The following FHIT variants were observed in gnomAD, a reference collection of about 807,000 sequenced individuals.
FHIT encodes fragile histidine triad diadenosine triphosphatase.
FHIT carries 19 observed loss-of-function variants against 17.9 expected under a neutral mutation model. That is an observed-to-expected ratio of 1.06 (90% CI 0.74 to 1.56). FHIT has a LOEUF of 1.56. FHIT is among the 40% of genes most tolerant of loss of function. FHIT has a pLI of 0.00. For synonymous variants in FHIT, 81 were observed against 69.7 expected, an observed-to-expected ratio of 1.16 and a Z score of -0.81; for missense variants, 248 against 189.2, an observed-to-expected ratio of 1.31 and a Z score of -1.82.
In FHIT at chr3:59,841,146, T is replaced by C. The variant is rs541313798; in HGVS notation, c.348+81200A>G. ...TAGCCCCTTTGATGGTAGAAAATGA[T>C]ATAAATGAAAAGGTCAGATGATCTT... On this transcript the variant is annotated intron_variant, in intron 8 of 9. Coordinates refer to ENST00000492590, the MANE Select transcript of FHIT (RefSeq NM_002012.4). Among the ~76,000 whole-genome samples, 191 of 152,292 alleles carry C rather than the reference T, an allele frequency of 1.3e-3. 3 individuals are homozygous for C. The South Asian group carries it at 0.038, about 30-fold the overall frequency.
chr3:60,502,341 C>A (rs1183475179), intron 5 of FHIT, among the ~76,000 whole-genome samples: 1 of 152,188 alleles, frequency 6.6e-6, no homozygotes, highest in Non-Finnish European at 1.5e-5. Flanking sequence ...TGAACTGAAC[C>A]AGTAAGAAGC....
At chr3:60,796,157 C>G (rs1427942680) in intron 4 of FHIT, among the ~76,000 whole-genome samples, 1 of 152,098 alleles carries the variant, frequency 6.6e-6, no homozygotes, top group Non-Finnish European at 1.5e-5. Context: ...CAATTACCTC[C>G]CCCTAGGTAC....
chr3:60,172,422 C>T (rs1333161637), intron 5 of FHIT, among the ~76,000 whole-genome samples: 4 of 151,690 alleles, frequency 2.6e-5, no homozygotes, highest in Admixed American at 1.3e-4. Context: ...TGCACCACCA[C>T]GCCTGGCTAA....
At chr3:60,677,957 T>G (rs1321856689) in intron 4 of FHIT, among the ~76,000 whole-genome samples, 1 of 152,170 alleles carries the variant, frequency 6.6e-6, no homozygotes, top group Non-Finnish European at 1.5e-5. Context: ...GAGTGTACAC[T>G]TCTTCATAGT....
In FHIT at chr3:61,089,043, T is replaced by C. The variant is rs190877161; in HGVS notation, c.-163-46944A>G. ...ATCAGTATATATTCCCTTAGCCTAT[T>C]ATTACATCAGTGTCTCCTACTGGGA... On this transcript the variant is annotated intron_variant, in intron 2 of 9. Coordinates refer to ENST00000492590, the MANE Select transcript of FHIT (RefSeq NM_002012.4). Among the ~76,000 whole-genome samples, 7 of 152,286 alleles carry C rather than the reference T, an allele frequency of 4.6e-5. No homozygotes were observed. The East Asian group carries it at 1.4e-3, about 29-fold the overall frequency.
chr3:60,278,722 A>AC lies in FHIT; in HGVS notation c.103+258137_103+258138insG, dbSNP rs575434288. ...TAGATTAACATAAAACCTCATAACAAAAAAAAAAATTCTTAGTTCCCATCA... is the reference window on the plus strand; with the variant it reads ...TAGATTAACATAAAACCTCATAACAACAAAAAAAAATTCTTAGTTCCCATCA... On this transcript the variant is annotated intron_variant, in intron 5 of 9. Coordinates refer to ENST00000492590, the MANE Select transcript of FHIT (RefSeq NM_002012.4). 2.1e-4 allele frequency among the ~76,000 whole-genome samples: 32 copies of AC among 150,336 alleles called. No homozygotes were observed. The South Asian group carries it at 4.8e-3, about 23-fold the overall frequency.
chr3:59,968,362 T>C (rs1708026304), intron 7 of FHIT, among the ~76,000 whole-genome samples: 1 of 151,946 alleles, frequency 6.6e-6, no homozygotes, highest in South Asian at 2.1e-4. Context: ...ATATGAACTT[T>C]AAGGTGGTCA....
intron 5 of FHIT, among the ~76,000 whole-genome samples, chr3:60,333,596 T>C (rs892394287): frequency 6.6e-6 from 1 of 152,144 alleles, no homozygotes. Context: ...AAACATAATA[T>C]TGCATGTCAT....
chr3:60,369,287 C>T (rs1163153679), intron 5 of FHIT, among the ~76,000 whole-genome samples: 2 of 152,078 alleles, frequency 1.3e-5, no homozygotes, highest in African/African-American at 2.4e-5. Flanking sequence ...ACTTTTTGAT[C>T]CTAGAATTTC....
rs375570034 is a variant in FHIT, at chr3:60,418,142, C to G, written c.103+118718G>C. ...AACTAATTGTTACATTTTGTGATCT[C>G]GGCTAAAAGACTAAACTGTATTTAG... On this transcript the variant is annotated intron_variant, in intron 5 of 9. Transcript: ENST00000492590. Among the ~76,000 whole-genome samples the G allele has an allele frequency of 3.3e-5, 5 of 151,686 alleles. No homozygotes were observed. The East Asian group carries it at 7.7e-4, about 23-fold the overall frequency.
intron 8 of FHIT, among the ~76,000 whole-genome samples, chr3:59,784,160 G>C (rs1702732922): frequency 6.6e-6 from 1 of 152,178 alleles, no homozygotes; most frequent in Non-Finnish European, 1.5e-5. Context: ...ACATTTTTGA[G>C]CACCTATGAT....
chr3:60,136,221 A>G (rs912021045), intron 5 of FHIT, among the ~76,000 whole-genome samples: 5 of 152,150 alleles, frequency 3.3e-5, no homozygotes, highest in Non-Finnish European at 5.9e-5. Context: ...GGAGAGGAGA[A>G]GAGGGAGGCA....
intron 5 of FHIT, among the ~76,000 whole-genome samples, chr3:60,479,368 A>G (rs534859157): frequency 1.3e-5 from 2 of 152,196 alleles, no homozygotes; most frequent in East Asian, 1.9e-4. Flanking sequence ...GAAGGGTCAT[A>G]AATATATACA....
chr3:60,520,272 A>C (rs2035310134), intron 5 of FHIT, among the ~76,000 whole-genome samples: 1 of 152,052 alleles, frequency 6.6e-6, no homozygotes, highest in African/African-American at 2.4e-5. Flanking sequence ...ATGTCCAAAA[A>C]ATTTTTCTAA....
intron 8 of FHIT, among the ~76,000 whole-genome samples, chr3:59,894,267 T>G (rs1703973327): frequency 6.6e-6 from 1 of 152,116 alleles, no homozygotes; most frequent in Admixed American, 6.6e-5. Flanking sequence ...AACAAAATGA[T>G]CATAGATTCT....
chr3:59,976,517 T>C (rs1349959669), intron 7 of FHIT, among the ~76,000 whole-genome samples: 1 of 151,634 alleles, frequency 6.6e-6, no homozygotes, highest in Admixed American at 6.6e-5. Flanking sequence ...CCACCACCTA[T>C]GTCATGGAGG....
intron 8 of FHIT, among the ~76,000 whole-genome samples, chr3:59,846,834 A>C (rs765942280): frequency 2.0e-5 from 3 of 152,086 alleles, no homozygotes; most frequent in Non-Finnish European, 4.4e-5. Flanking sequence ...CTTCTTTTGC[A>C]GTACAGTTTT....
At chr3:60,049,812 AACT>A (rs1424406364) in intron 5 of FHIT, among the ~76,000 whole-genome samples, 1 of 152,180 alleles carries the variant, frequency 6.6e-6, no homozygotes. Context: ...TAATTCCTCT[AACT>A]ACTACAAGTA....
intron 5 of FHIT, among the ~76,000 whole-genome samples, chr3:60,387,178 A>T (rs1017449233): frequency 1.3e-4 from 19 of 151,808 alleles, no homozygotes; most frequent in African/African-American, 3.6e-4. Flanking sequence ...TTAGTTAGAG[A>T]CAGGGTTTCA....
Sources: gnomAD v4.1 joint callset for allele counts (sites outside exome capture counted in the v4.1 genomes callset) on GRCh38, gnomAD v4.1.1 for gene constraint, MANE v1.5 for transcripts, NCBI Gene and HGNC (gene_info 2026-07-23, HGNC 2026-07-21) for gene names.